Variants in VWA3B observed in about 807,000 individuals in gnomAD.
VWA3B encodes the protein von Willebrand factor A domain-containing protein 3B.
Under a neutral mutation model 158.3 loss-of-function variants are expected in VWA3B, and 138 were observed. The ratio of observed to expected loss-of-function variants is 0.87; its 90% confidence interval spans 0.76 to 1.00. The LOEUF (loss-of-function observed/expected upper bound fraction) is 1.00, where lower values mean the gene tolerates loss of function less well. Among genes scored for constraint, VWA3B ranks in the 50% least tolerant of loss-of-function variants. The probability of loss-of-function intolerance (pLI) is 0.00; values close to 1 mark genes in which losing one functional copy is unlikely to be tolerated. For synonymous variants in VWA3B, 596 were observed against 587.3 expected (o/e 1.01, Z -0.21); for missense variants, 1,555 against 1,565.1 (o/e 0.99, Z 0.11).
chr2:98,177,239 G>A (rs1423638921), intron 8 of VWA3B, among the ~76,000 whole-genome samples: 1 of 152,194 alleles, frequency 6.6e-6, no homozygotes, highest in East Asian at 1.9e-4. Flanking sequence ...TGACAAGTGG[G>A]ATGGGGAGGA....
At chr2:98,149,133 A>G (rs151189629) in intron 7 of VWA3B, among the ~76,000 whole-genome samples, 70 of 152,314 alleles carry the variant, frequency 4.6e-4, no homozygotes, top group African/African-American at 1.5e-3. Context: ...GGTTAGCTCC[A>G]GTGATATACT....
chr2:98,321,803 T>C, the VWA3B span, among the ~76,000 whole-genome samples: 5 of 152,314 alleles, frequency 3.3e-5, no homozygotes, highest in African/African-American at 1.2e-4. Context: ...GGTTTTGATA[T>C]GTAAAGACAT....
chr2:98,209,693 T>C (rs1387403544), intron 12 of VWA3B, among the ~76,000 whole-genome samples: 1 of 152,236 alleles, frequency 6.6e-6, no homozygotes, highest in African/African-American at 2.4e-5. Context: ...TCTTCCTCAT[T>C]GTTCCAGAGA....
intron 2 of VWA3B, among the ~76,000 whole-genome samples, chr2:98,098,506 T>C (rs1436499384): frequency 6.6e-6 from 1 of 152,172 alleles, no homozygotes; most frequent in Non-Finnish European, 1.5e-5. Flanking sequence ...TTAAAATATA[T>C]TTTATCTGAC....
chr2:98,295,544 C>A (rs945376938), intron 23 of VWA3B, among the ~76,000 whole-genome samples: 1 of 152,196 alleles, frequency 6.6e-6, no homozygotes, highest in Non-Finnish European at 1.5e-5. Context: ...CCCAGGGAGG[C>A]ACTGGGCTTA....
rs1490381182 is a variant in VWA3B, at chr2:98,312,471, T to G, written c.*122T>G. 3 of 1,228,536 alleles carry G rather than the reference T, an allele frequency of 2.4e-6. 1 individual carries two copies. In the South Asian group the frequency reaches 4.8e-5, roughly 20 times the overall value. 76.1% of individuals were successfully genotyped at this position (1,228,536 alleles called of 1,614,324 possible). ...GGCCGCCCTCCGCGCCGCCTATGCCTGCCCTGTCTGTAGCAAAGACTCCTC... is the reference window on the plus strand; with the variant it reads ...GGCCGCCCTCCGCGCCGCCTATGCCGGCCCTGTCTGTAGCAAAGACTCCTC... On this transcript the variant is annotated 3_prime_UTR_variant, in exon 28 of 28. Transcript: ENST00000477737.
At chr2:98,201,461 G>T (rs538893579) in intron 12 of VWA3B, among the ~76,000 whole-genome samples, 14 of 152,122 alleles carry the variant, frequency 9.2e-5, no homozygotes, top group Admixed American at 9.2e-4. Context: ...TATCCAACCC[G>T]TATAGTGTTT....
intron 7 of VWA3B, among the ~76,000 whole-genome samples, chr2:98,149,607 A>G (rs1677458845): frequency 6.6e-6 from 1 of 152,224 alleles, no homozygotes; most frequent in African/African-American, 2.4e-5. Context: ...ACCAGTCAGA[A>G]GTACTTTCAA....
At chr2:98,191,324 T>C (rs1244143818) in intron 10 of VWA3B, among the ~76,000 whole-genome samples, 1 of 152,246 alleles carries the variant, frequency 6.6e-6, no homozygotes, top group Non-Finnish European at 1.5e-5. Context: ...TTGGGATCTG[T>C]TTCTGTTGAT....
At chr2:98,326,177 A>G in the VWA3B span, among the ~76,000 whole-genome samples, 1 of 152,350 alleles carries the variant, frequency 6.6e-6, no homozygotes, top group South Asian at 2.1e-4. Flanking sequence ...ACCTCTAATT[A>G]GCAAGAAAAA....
intron 12 of VWA3B, among the ~76,000 whole-genome samples, chr2:98,200,737 C>T (rs1682469197): frequency 6.6e-6 from 1 of 151,996 alleles, no homozygotes; most frequent in African/African-American, 2.4e-5. Context: ...GCTTTTAGAC[C>T]CATAGCTAAA....
intron 22 of VWA3B, among the ~76,000 whole-genome samples, chr2:98,286,413 C>G (rs1260276514): frequency 6.6e-6 from 1 of 152,046 alleles, no homozygotes; most frequent in Non-Finnish European, 1.5e-5. Context: ...TCATAGATGT[C>G]TTTTCTCAAA....
chr2:98,303,421 GGTGTGTGT>G (rs58157632), intron 25 of VWA3B, among the ~76,000 whole-genome samples: 26 of 146,582 alleles, frequency 1.8e-4, no homozygotes, highest in Non-Finnish European at 3.0e-4. Context: ...GTTATGTGAA[GGTGTGTGT>G]GTGTGTGTGT....
chr2:98,133,735 C>G, intron 6 of VWA3B, 89 bp from the exon 7 acceptor site: 1 of 1,116,658 alleles, frequency 9.0e-7, no homozygotes, highest in Non-Finnish European at 1.3e-6. Context: ...CCAGTGCTGC[C>G]GAAGAGCACG....
At chr2:98,127,570 C>CTGTGTG (rs150384187) in intron 5 of VWA3B, among the ~76,000 whole-genome samples, 1 of 91,616 alleles carries the variant, frequency 1.1e-5, no homozygotes, top group African/African-American at 4.6e-5. Flanking sequence ...CTGGTTTAAG[C>CTGTGTG]TGTGTGTGTG....
chr2:98,183,406 T>C (rs1680758269), intron 9 of VWA3B, among the ~76,000 whole-genome samples: 1 of 152,116 alleles, frequency 6.6e-6, no homozygotes, highest in African/African-American at 2.4e-5. Context: ...AACTAGTTTA[T>C]AGGAACAGAC....
At chr2:98,201,844 G>A (rs1183035474) in intron 12 of VWA3B, among the ~76,000 whole-genome samples, 2 of 152,074 alleles carry the variant, frequency 1.3e-5, no homozygotes, top group Non-Finnish European at 2.9e-5. Flanking sequence ...ATATTAAATT[G>A]GCTTTGCATT....
intron 19 of VWA3B, 66 bp from the exon 20 acceptor site, chr2:98,250,252 G>A (rs1686710890): frequency 1.7e-6 from 2 of 1,154,954 alleles, no homozygotes; most frequent in South Asian, 1.4e-5. Flanking sequence ...CTATGTAGAT[G>A]TATTTTCGAA....
intron 2 of VWA3B, among the ~76,000 whole-genome samples, chr2:98,109,193 T>C (rs774653823): frequency 1.1e-4 from 17 of 152,154 alleles, no homozygotes; most frequent in Admixed American, 3.9e-4. Flanking sequence ...GGTTTCTCCA[T>C]GTTGGTCAGG....
Sources: gnomAD v4.1 joint callset for allele counts (sites outside exome capture counted in the v4.1 genomes callset) on GRCh38, gnomAD v4.1.1 for gene constraint, MANE v1.5 for transcripts, NCBI Gene and HGNC (gene_info 2026-07-23, HGNC 2026-07-21) for gene names.